Variants in HTD2 observed in about 807,000 individuals in gnomAD.
HTD2 encodes hydroxyacyl-thioester dehydratase type 2.
Under a neutral mutation model 3.1 loss-of-function variants are expected in HTD2, and 1 was observed. The observed-to-expected ratio is 0.32, with a 90% confidence interval of 0.11 to 1.52. The LOEUF (loss-of-function observed/expected upper bound fraction) is 1.52, where lower values mean the gene tolerates loss of function less well. Ranked by LOEUF, HTD2 falls within the 40% of genes most tolerant of loss-of-function variation. HTD2 has a pLI of 0.39. For missense variants in HTD2, 150 were observed against 79.6 expected, an observed-to-expected ratio of 1.88 and a Z score of -3.36; for synonymous variants, 50 against 28.9, an observed-to-expected ratio of 1.73 and a Z score of -2.34.
chr3:58,314,273 C>T (rs1041389392), intron 2 of HTD2, among the ~76,000 whole-genome samples: 6 of 152,122 alleles, frequency 3.9e-5, no homozygotes, highest in Non-Finnish European at 7.4e-5. Context: ...ACCACTTGAA[C>T]CTGGGAGGCG....
intron 1 of HTD2, 106 bp from the exon 2 acceptor site, chr3:58,310,401 C>G (rs754026224): frequency 6.2e-7 from 1 of 1,613,692 alleles, no homozygotes; most frequent in African/African-American, 1.3e-5. Flanking sequence ...ACATGAAAGT[C>G]TGCCTGTAAG....
At chr3:58,311,603 A>G (rs1241000726) in intron 2 of HTD2, among the ~76,000 whole-genome samples, 2 of 151,692 alleles carry the variant, frequency 1.3e-5, no homozygotes, top group African/African-American at 4.8e-5. Flanking sequence ...GCTGAATAAT[A>G]TTCCATTGTA....
At position 58,316,549 on chromosome 3, in the gene HTD2, A is replaced by G. The variant is rs1188266785; in HGVS notation, c.-296A>G. The G allele has an allele frequency of 4.3e-6, 7 of 1,614,186 alleles. No individual in the cohort carries two copies. The South Asian group carries it at 4.4e-5, about 10-fold the overall frequency. ...GCCTTACCTTTGGACATCCTAACCT[A>G]TGAAGAGAAGACCTTGTCAGCCATC... On this transcript the variant is annotated 5_prime_UTR_variant, in exon 3 of 5. An upstream start codon of the reference 5' UTR is lost. Coordinates refer to ENST00000461393, the MANE Select transcript of HTD2 (RefSeq NM_001348712.2).
intron 2 of HTD2, among the ~76,000 whole-genome samples, chr3:58,316,128 T>C (rs2097488057): frequency 6.6e-6 from 1 of 152,274 alleles, no homozygotes; most frequent in Admixed American, 6.5e-5. Flanking sequence ...ACATGGCCTC[T>C]GCCACATGGA....
Position 58,319,061 on chromosome 3 carries a change from C to T in HTD2, c.*941C>T, listed in dbSNP as rs2097491640. On this transcript the variant is annotated 3_prime_UTR_variant, in exon 5 of 5. Transcript: ENST00000461393. Reference sequence around the variant, plus strand: ...TAGATTTGCATTTGGATAACAAATCCCTACCTATAGCCATGTGGAAGCAGC... The same window carrying T: ...TAGATTTGCATTTGGATAACAAATCTCTACCTATAGCCATGTGGAAGCAGC... The T allele has an allele frequency of 3.3e-5, 5 of 151,992 alleles. No homozygotes were observed. Among genetic ancestry groups the T allele is most frequent in the Admixed American group, 3.3e-4 (5 of 15,252 alleles). The allele number at this position is 151,992 out of a possible 1,614,324, so 9.4% of individuals were successfully genotyped here.
chr3:58,315,706 C>G (rs540589160), intron 2 of HTD2: 14 of 152,206 alleles, frequency 9.2e-5, no homozygotes, highest in African/African-American at 3.4e-4. Context: ...AACAGAGTTT[C>G]GCTCTTCTTG....
rs1358172664 is a variant in HTD2, at chr3:58,317,774, C to G, written c.161C>G (p.Ala54Gly). ...LRRAFTQTDV[A>G]TFSELTGDVN... ...AGGGCCTTCACACAGACTGATGTGG[C>G]TACCTTCTCAGAATTAACAGGGGAT... The change falls in exon 5 of 5, where the codon GCT becomes GGT. Residue 54 changes from alanine (A) to glycine (G), a missense_variant. Physicochemically the swap from Ala to Gly is moderately conservative, Grantham distance 60. Transcript: ENST00000461393. 2.8e-6 allele frequency: 2 copies of G among 703,024 alleles called. No individual in the cohort carries two copies. The highest frequency in any genetic ancestry group is 1.7e-5 in the African/African-American group (1 of 57,254). The allele number at this position is 703,024 out of a possible 1,614,324, so 43.5% of individuals were successfully genotyped here. A position where few individuals can be genotyped will look rare whatever the true frequency, so the allele number is the denominator to read the frequency against.
chr3:58,314,770 C>T (rs552234523), intron 2 of HTD2, among the ~76,000 whole-genome samples: 19 of 150,314 alleles, frequency 1.3e-4, no homozygotes, highest in East Asian at 3.9e-4. Context: ...CTGCAACCTC[C>T]GCCTCCCAGG....
rs1227150438 is a variant in HTD2, at chr3:58,320,125, A to G, written c.*2005A>G. ...TATAGCATGTTTTCAGGGTTCATCC[A>G]TGTTACAGCATGTATCAGTACATCA... On this transcript the variant is annotated 3_prime_UTR_variant, in exon 5 of 5. Transcript: ENST00000461393. 6.6e-6 allele frequency: 1 copy of G among 152,104 alleles called. No homozygotes were observed. The highest frequency in any genetic ancestry group is 1.9e-4 in the East Asian group (1 of 5,196). The allele number at this position is 152,104 out of a possible 1,614,324, so 9.4% of individuals were successfully genotyped here.
At chr3:58,312,111 C>T (rs1008738208) in intron 2 of HTD2, among the ~76,000 whole-genome samples, 1 of 152,124 alleles carries the variant, frequency 6.6e-6, no homozygotes, top group Non-Finnish European at 1.5e-5. Context: ...GCCTTGGCCT[C>T]CCAAAGCACT....
At chr3:58,316,464 T>G in intron 2 of HTD2, 51 bp from the exon 3 acceptor site, 2 of 1,509,116 alleles carry the variant, frequency 1.3e-6, no homozygotes, top group South Asian at 2.3e-5. Context: ...TTGACAAGCA[T>G]TCAAGAATAA....
intron 2 of HTD2, among the ~76,000 whole-genome samples, chr3:58,314,700 T>TG (rs2097486446): frequency 1.7e-5 from 2 of 121,122 alleles, no homozygotes; most frequent in African/African-American, 6.7e-5. Flanking sequence ...TTTTTTTTTT[T>TG]GTTGAGATGG....
intron 1 of HTD2, among the ~76,000 whole-genome samples, chr3:58,309,816 C>T (rs574227573): frequency 5.9e-5 from 9 of 151,796 alleles, no homozygotes; most frequent in African/African-American, 1.5e-4. Flanking sequence ...TGCTTGAATC[C>T]GCGAGGCAGA....
intron 1 of HTD2, chr3:58,310,250 C>G: frequency 7.2e-7 from 1 of 1,387,340 alleles, no homozygotes; most frequent in Non-Finnish European, 1.0e-6. Context: ...AAATTCTCAT[C>G]AAAACTCTGA....
intron 2 of HTD2, among the ~76,000 whole-genome samples, chr3:58,316,280 A>G (rs2097488213): frequency 6.6e-6 from 1 of 152,220 alleles, no homozygotes; most frequent in Non-Finnish European, 1.5e-5. Context: ...AGATCAGTCA[A>G]GGAACAATTT....
chr3:58,313,659 A>T (rs2097484828), intron 2 of HTD2, among the ~76,000 whole-genome samples: 1 of 152,116 alleles, frequency 6.6e-6, no homozygotes, highest in African/African-American at 2.4e-5. Flanking sequence ...CCATCTCTAC[A>T]AAACAATTTG....
rs1242228136 is a variant in HTD2 at position 58,314,396 on chromosome 3, A to G, written c.-330-2119A>G. On this transcript the variant is annotated intron_variant, in intron 2 of 4. Transcript: ENST00000461393. ...AATAAAAAAGAAGTATCAGAACTCAACCAAACAATTCAATTAGAAAATGGG... is the reference window on the plus strand; with the variant it reads ...AATAAAAAAGAAGTATCAGAACTCAGCCAAACAATTCAATTAGAAAATGGG... Among the ~76,000 whole-genome samples the G allele has an allele frequency of 1.1e-4, 16 of 152,262 alleles. No homozygotes were observed. In the South Asian group the frequency reaches 2.7e-3, roughly 26 times the overall value.
chr3:58,313,623 G>C (rs767312585), intron 2 of HTD2, among the ~76,000 whole-genome samples: 54 of 152,210 alleles, frequency 3.5e-4, no homozygotes, highest in Non-Finnish European at 3.4e-4. Context: ...AGGAGTTCCA[G>C]GCCAGCCTGG....
intron 1 of HTD2, 22 bp downstream of exon 1, chr3:58,306,673 T>C (rs2097475262): frequency 6.6e-6 from 1 of 152,242 alleles, no homozygotes; most frequent in Admixed American, 6.5e-5. Flanking sequence ...ATAGTGGTTG[T>C]TGAAAAATAT....
Sources: allele counts gnomAD v4.1 joint callset (sites outside exome capture counted in the v4.1 genomes callset), GRCh38; gene constraint gnomAD v4.1.1; transcripts MANE v1.5; gene names NCBI Gene and HGNC (gene_info 2026-07-23, HGNC 2026-07-21).